NECTIN1: variants seen among roughly 807,000 people sequenced by gnomAD.
NECTIN1 encodes the protein nectin cell adhesion molecule 1.
Under a neutral mutation model 48.0 loss-of-function variants are expected in NECTIN1, and 23 were observed. That is an observed-to-expected ratio of 0.48 (90% CI 0.34 to 0.68). The LOEUF is 0.68. Among genes scored for constraint, NECTIN1 ranks in the 30% least tolerant of loss-of-function variants. The pLI, the probability that NECTIN1 is intolerant of heterozygous loss-of-function variation, is 0.01. For synonymous variants in NECTIN1, 270 were observed against 288.9 expected, an observed-to-expected ratio of 0.93 and a Z score of 0.66; for missense variants, 591 against 709.9, an observed-to-expected ratio of 0.83 and a Z score of 1.90.
Position 119,684,405 on chromosome 11 carries a change from G to A in NECTIN1, c.80-5640C>T, listed in dbSNP as rs910940873. Among the ~76,000 whole-genome samples the A allele has an allele frequency of 1.3e-5, 2 of 152,286 alleles. No homozygotes were observed. Among genetic ancestry groups the A allele is most frequent in the Admixed American group, 6.5e-5 (1 of 15,294 alleles). On this transcript the variant is annotated intron_variant, in intron 1 of 5. Transcript: ENST00000264025. The surrounding 1 kb of genome is among the most constrained non-coding windows in gnomAD (Gnocchi z 5.2). ...AGAGGGAGTGGGTCTGTGTGCACGTGTGTGTCTGAGGTGGGTGCTGGGCTC... is the reference window on the plus strand; with the variant it reads ...AGAGGGAGTGGGTCTGTGTGCACGTATGTGTCTGAGGTGGGTGCTGGGCTC...
chr11:119,724,480 C>T (rs527287659), intron 1 of NECTIN1, among the ~76,000 whole-genome samples: 2 of 152,290 alleles, frequency 1.3e-5, no homozygotes, highest in South Asian at 4.1e-4. Flanking sequence ...TTCCCACCCC[C>T]CAAAGGACCC....
chr11:119,690,138 G>A (rs1011174722), intron 1 of NECTIN1, among the ~76,000 whole-genome samples: 3 of 152,102 alleles, frequency 2.0e-5, no homozygotes, highest in Non-Finnish European at 2.9e-5. Flanking sequence ...GGACTTAGGC[G>A]GTGCCAGGAA....
intron 1 of NECTIN1, among the ~76,000 whole-genome samples, chr11:119,696,386 T>C (rs1432018217): frequency 6.6e-6 from 1 of 151,774 alleles, no homozygotes; most frequent in Non-Finnish European, 1.5e-5. Flanking sequence ...GTGGGCCTCT[T>C]GTCAGTGCAA....
Position 119,661,883 on chromosome 11 carries a change from G to A in NECTIN1, c.*2864C>T, listed in dbSNP as rs374805545. 1.0e-6 allele frequency: 1 copy of A among 985,374 alleles called. No homozygotes were observed. 61.0% of individuals were successfully genotyped at this position (985,374 alleles called of 1,614,324 possible). ...GCCTGCGCGTGGGTGTGTTGGAGGT[G>A]TGAGTGTGTCCACTGTGGGCACACG... On this transcript the variant is annotated 3_prime_UTR_variant, in exon 6 of 6. Coordinates refer to ENST00000264025, the MANE Select transcript of NECTIN1 (RefSeq NM_002855.5).
At chr11:119,648,403 A>ATGGTGGTGGTGG in intron 5 of NECTIN1, among the ~76,000 whole-genome samples, 1 of 4,546 alleles carries the variant, frequency 2.2e-4, no homozygotes, top group Non-Finnish European at 4.5e-4. Flanking sequence ...GATGGTGGTG[A>ATGGTGGTGGTGG]TGGTGATGGT....
chr11:119,726,010 C>T (rs1334827287), intron 1 of NECTIN1, among the ~76,000 whole-genome samples: 1 of 152,204 alleles, frequency 6.6e-6, no homozygotes, highest in Non-Finnish European at 1.5e-5. Flanking sequence ...TGGGGCTTCA[C>T]CACACTGCTT....
chr11:119,675,383 T>C (rs1864929735), intron 4 of NECTIN1, 73 bp from the exon 5 acceptor site: 1 of 1,566,676 alleles, frequency 6.4e-7, no homozygotes, highest in African/African-American at 1.4e-5. Flanking sequence ...GGTCACCCAC[T>C]TGGCTCCAGG....
At chr11:119,652,900 AAG>A (rs1864513618) in intron 5 of NECTIN1, among the ~76,000 whole-genome samples, 1 of 152,190 alleles carries the variant, frequency 6.6e-6, no homozygotes, top group African/African-American at 2.4e-5. Context: ...CTGATGGTAC[AAG>A]AGAGAGGCAC....
At chr11:119,646,963 CA>C (rs1334001373) in intron 5 of NECTIN1, among the ~76,000 whole-genome samples, 1 of 152,158 alleles carries the variant, frequency 6.6e-6, no homozygotes, top group Non-Finnish European at 1.5e-5. Context: ...TTCCTGAGGG[CA>C]GGGACATGCC....
chr11:119,701,813 G>A (rs1442066081), intron 1 of NECTIN1, among the ~76,000 whole-genome samples: 1 of 152,174 alleles, frequency 6.6e-6, no homozygotes, highest in Non-Finnish European at 1.5e-5. Flanking sequence ...GTGGGGGGTG[G>A]TCATTCTCAA....
intron 1 of NECTIN1, among the ~76,000 whole-genome samples, chr11:119,705,780 G>A (rs1332150068): frequency 1.3e-5 from 2 of 152,218 alleles, no homozygotes; most frequent in African/African-American, 2.4e-5. Context: ...CAATCATCTG[G>A]GGCATCTTGG....
chr11:119,675,895 A>G (rs559719820), intron 4 of NECTIN1, among the ~76,000 whole-genome samples: 1 of 152,088 alleles, frequency 6.6e-6, no homozygotes, highest in Admixed American at 6.5e-5. Context: ...AGTCCCAGTT[A>G]CTCGGGAGGG....
At chr11:119,710,320 A>G (rs1352743212) in intron 1 of NECTIN1, among the ~76,000 whole-genome samples, 1 of 152,254 alleles carries the variant, frequency 6.6e-6, no homozygotes, top group Non-Finnish European at 1.5e-5. Flanking sequence ...AACACCGTAC[A>G]AAGAAAATGC....
intron 1 of NECTIN1, among the ~76,000 whole-genome samples, chr11:119,707,695 A>AT (rs937078171): frequency 1.3e-5 from 2 of 151,866 alleles, no homozygotes; most frequent in African/African-American, 4.8e-5. Flanking sequence ...CCTTGCTTTT[A>AT]TTTTTTTGGA....
rs190761597 is a variant in NECTIN1 at position 119,728,274 on chromosome 11, T to C, written c.79+201A>G. On this transcript the variant is annotated intron_variant, in intron 1 of 5. Transcript: ENST00000264025. ...TTCATGCTACATAGAGACGTGCATC[T>C]GACTGCTTCCCTGCAGGGCAGGCGG... Among the ~76,000 whole-genome samples the C allele has an allele frequency of 3.3e-5, 5 of 152,380 alleles. No homozygotes were observed. In the East Asian group the frequency reaches 9.6e-4, roughly 29 times the overall value.
chr11:119,651,704 C>A (rs993991967), intron 5 of NECTIN1, among the ~76,000 whole-genome samples: 3 of 152,202 alleles, frequency 2.0e-5, no homozygotes, highest in Admixed American at 6.5e-5. Context: ...TGGAAGCTGC[C>A]CTTGGCCACT....
chr11:119,639,341 G>A (rs914387987), intron 6 of NECTIN1, among the ~76,000 whole-genome samples: 1 of 152,100 alleles, frequency 6.6e-6, no homozygotes, highest in Non-Finnish European at 1.5e-5. Flanking sequence ...TTCTAATCCT[G>A]TCTTTATTTA....
Position 119,661,449 on chromosome 11 carries a change from C to A in NECTIN1, c.*3298G>T, listed in dbSNP as rs1265441891. ...TGTGGGTGTGGGGACCTGGGGCACA[C>A]CCACCTGCCCCTCACTAGGAGAGGG... On this transcript the variant is annotated 3_prime_UTR_variant, in exon 6 of 6. Transcript: ENST00000264025. 2 of 985,748 alleles carry A rather than the reference C, an allele frequency of 2.0e-6. No homozygotes were observed. The highest frequency in any genetic ancestry group is 2.4e-6 in the Non-Finnish European group (2 of 829,998). 61.1% of individuals were successfully genotyped at this position (985,748 alleles called of 1,614,324 possible).
rs551320462 is a variant in NECTIN1 at position 119,721,161 on chromosome 11, C to T, written c.79+7314G>A. 8.5e-5 allele frequency among the ~76,000 whole-genome samples: 13 copies of T among 152,340 alleles called. No individual in the cohort carries two copies. In the South Asian group the frequency reaches 2.1e-3, roughly 24 times the overall value. On this transcript the variant is annotated intron_variant, in intron 1 of 5. Transcript: ENST00000264025. ...CTGTCCCCTGTCCCCAAGGGCCTTC[C>T]TCCATGGAATGATGATTTGCTGAGC...
Sources: gnomAD v4.1 joint callset for allele counts (sites outside exome capture counted in the v4.1 genomes callset) on GRCh38, gnomAD v4.1.1 for gene constraint, Gnocchi (gnomAD v3.1) non-coding constraint, MANE v1.5 for transcripts, NCBI Gene and HGNC (gene_info 2026-07-23, HGNC 2026-07-21) for gene names.